LMX1B: variants seen among roughly 807,000 people sequenced by gnomAD.
LMX1B encodes LIM homeobox transcription factor 1 beta, also known as LIM homeobox transcription factor 1-beta.
A neutral mutation model predicts 51.4 loss-of-function variants in LMX1B; 12 were observed. The observed-to-expected ratio is 0.23, with a 90% confidence interval of 0.15 to 0.38. The LOEUF (loss-of-function observed/expected upper bound fraction) is 0.38, where lower values mean the gene tolerates loss of function less well. Ranked by LOEUF, LMX1B falls within the 10% of genes least tolerant of loss-of-function variation. The pLI is 1.00. For missense variants in LMX1B, 445 were observed against 571.1 expected (o/e 0.78, Z 2.25); for synonymous variants, 237 against 235.4 (o/e 1.01, Z -0.06).
At chr9:126,670,514 G>A (rs55833719) in intron 2 of LMX1B, among the ~76,000 whole-genome samples, 18,479 of 152,250 alleles carry the variant, frequency 0.12, 1,187 homozygotes, top group South Asian at 0.18. Context: ...TAAACAGCAG[G>A]GTTGGGCAGA....
chr9:126,675,498 G>A (rs532380361), intron 2 of LMX1B, among the ~76,000 whole-genome samples: 69 of 151,944 alleles, frequency 4.5e-4, no homozygotes, highest in African/African-American at 1.0e-3. Context: ...AGGCCGAGGC[G>A]GGCGGATCAC....
chr9:126,639,902 A>G (rs1341012156), intron 2 of LMX1B, among the ~76,000 whole-genome samples: 1 of 152,262 alleles, frequency 6.6e-6, no homozygotes, highest in Admixed American at 6.5e-5. Flanking sequence ...AAATGCAATT[A>G]TGGATTTTAT....
chr9:126,646,816 T>C (rs1835911809), intron 2 of LMX1B, among the ~76,000 whole-genome samples: 1 of 152,164 alleles, frequency 6.6e-6, no homozygotes, highest in African/African-American at 2.4e-5. Flanking sequence ...CACCCTCTGC[T>C]CCTTGTGCTG....
At chr9:126,659,290 G>A (rs558490872) in intron 2 of LMX1B, among the ~76,000 whole-genome samples, 87 of 152,346 alleles carry the variant, frequency 5.7e-4, no homozygotes, top group Non-Finnish European at 7.8e-4. Flanking sequence ...TGGGCAGAAC[G>A]TGTCCAGGGG....
rs199580468 is a variant in LMX1B at position 126,695,966 on chromosome 9, G to T, written c.1014G>T (p.Thr338=). 1 of 1,612,420 alleles carries T rather than the reference G, an allele frequency of 6.2e-7. No homozygotes were observed. The highest frequency in any genetic ancestry group is 8.5e-7 in the Non-Finnish European group (1 of 1,179,440). ...GSSDPFQQGL[T]PPQMPGDHMN... ...GCGACCCCTTCCAGCAGGGCCTCAC[G>T]CCGCCCCAAATGCCAGGTGACCACA... Residue 338 remains threonine (T), a synonymous_variant, in exon 7 of 8, where the codon ACG becomes ACT. Coordinates refer to ENST00000373474, the MANE Select transcript of LMX1B (RefSeq NM_001174147.2). This position sits in a 1 kb window ranked among gnomAD's most constrained non-coding sequence, Gnocchi z 5.2.
intron 2 of LMX1B, among the ~76,000 whole-genome samples, chr9:126,684,062 G>T (rs934067738): frequency 1.3e-5 from 2 of 152,220 alleles, no homozygotes; most frequent in Admixed American, 1.3e-4. Context: ...GCCTCCATGG[G>T]TGTTTGCTGG....
At chr9:126,690,427 G>C (rs547958531) in intron 2 of LMX1B, among the ~76,000 whole-genome samples, 7 of 152,332 alleles carry the variant, frequency 4.6e-5, no homozygotes, top group African/African-American at 1.4e-4. Flanking sequence ...GAATTGCTTG[G>C]ATGTGTTGGT....
At chr9:126,664,869 T>C (rs1836314028) in intron 2 of LMX1B, among the ~76,000 whole-genome samples, 2 of 152,204 alleles carry the variant, frequency 1.3e-5, no homozygotes, top group African/African-American at 4.8e-5. Context: ...AGAGACTCCG[T>C]CTGGAAAAAA....
intron 2 of LMX1B, among the ~76,000 whole-genome samples, chr9:126,670,131 C>A (rs1024359329): frequency 6.6e-6 from 1 of 152,204 alleles, no homozygotes; most frequent in Non-Finnish European, 1.5e-5. Context: ...GCCTCAATCT[C>A]CCAGAATATA....
intron 2 of LMX1B, among the ~76,000 whole-genome samples, chr9:126,635,868 T>G (rs1588271446): frequency 6.6e-6 from 1 of 152,168 alleles, no homozygotes; most frequent in South Asian, 2.1e-4. Flanking sequence ...GGCCTGAGGC[T>G]TAACTGAACA....
chr9:126,690,214 G>A (rs1481912164), intron 2 of LMX1B, among the ~76,000 whole-genome samples: 5 of 152,202 alleles, frequency 3.3e-5, no homozygotes, highest in Non-Finnish European at 5.9e-5. Flanking sequence ...GCACTAGGGA[G>A]CCATGGAAGA....
In LMX1B at chr9:126,622,439, C is replaced by T. The variant is rs569587029; in HGVS notation, c.326+6870C>T. ...GGGCTGGCAGGAATGAGGAGGCCACCGAGCTGCTGGGTAGCTGAAGATGAG... is the reference window on the plus strand; with the variant it reads ...GGGCTGGCAGGAATGAGGAGGCCACTGAGCTGCTGGGTAGCTGAAGATGAG... On this transcript the variant is annotated intron_variant, in intron 2 of 7. Transcript: ENST00000373474. 1.5e-3 allele frequency among the ~76,000 whole-genome samples: 227 copies of T among 152,268 alleles called. 1 individual carries two copies. The highest frequency in any genetic ancestry group is 1.5e-3 in the Non-Finnish European group (104 of 68,012).
At chr9:126,642,958 C>A (rs941019352) in intron 2 of LMX1B, among the ~76,000 whole-genome samples, 1 of 152,186 alleles carries the variant, frequency 6.6e-6, no homozygotes, top group South Asian at 2.1e-4. Context: ...TCTCTTCCCA[C>A]CCCCAGTCAG....
At chr9:126,663,402 C>T (rs1000395159) in intron 2 of LMX1B, among the ~76,000 whole-genome samples, 2 of 144,728 alleles carry the variant, frequency 1.4e-5, no homozygotes, top group Non-Finnish European at 3.0e-5. Flanking sequence ...CCAACCTAGG[C>T]GACAAGGCAA....
chr9:126,623,290 A>G (rs532161783), intron 2 of LMX1B, among the ~76,000 whole-genome samples: 1 of 152,288 alleles, frequency 6.6e-6, no homozygotes, highest in Non-Finnish European at 1.5e-5. Context: ...CCTCATTACT[A>G]CTGAGACACG....
In LMX1B at chr9:126,641,714, T is replaced by G. The variant is rs968367234; in HGVS notation, c.326+26145T>G. On this transcript the variant is annotated intron_variant, in intron 2 of 7. Coordinates refer to ENST00000373474, the MANE Select transcript of LMX1B (RefSeq NM_001174147.2). The surrounding 1 kb of genome is among the most constrained non-coding windows in gnomAD (Gnocchi z 4.1). ...GGAGGCTCTTTCTTCAAGGGGACTC[T>G]CTTCTCCCTCCTCCTGGGGGATTCC... Among the ~76,000 whole-genome samples the G allele has an allele frequency of 5.3e-5, 8 of 152,146 alleles. No individual in the cohort carries two copies. Among genetic ancestry groups the G allele is most frequent in the Non-Finnish European group, 1.2e-4 (8 of 68,026 alleles).
At position 126,641,885 on chromosome 9, in the gene LMX1B, A is replaced by G. The variant is rs184523642; in HGVS notation, c.326+26316A>G. On this transcript the variant is annotated intron_variant, in intron 2 of 7. Transcript: ENST00000373474. The surrounding 1 kb of genome is among the most constrained non-coding windows in gnomAD (Gnocchi z 4.1). ...CCCATCCCAGCGAGGCCCTGGGCAGAGCACTTCACCCACGTTCTCTCAGAA... is the reference window on the plus strand; with the variant it reads ...CCCATCCCAGCGAGGCCCTGGGCAGGGCACTTCACCCACGTTCTCTCAGAA... Among the ~76,000 whole-genome samples the G allele has an allele frequency of 2.3e-4, 35 of 152,304 alleles. No homozygotes were observed. In the East Asian group the frequency reaches 5.8e-3, roughly 25 times the overall value.
chr9:126,615,644 C>G lies in LMX1B; in HGVS notation c.326+75C>G, dbSNP rs1835289826. On this transcript the variant is annotated intron_variant, in intron 2 of 7. Coordinates refer to ENST00000373474, the MANE Select transcript of LMX1B (RefSeq NM_001174147.2). The surrounding 1 kb of genome is among the most constrained non-coding windows in gnomAD (Gnocchi z 6.0). ...GGTCAGCCCCCTGCCGGGCCCGGCC[C>G]GCGCCCGCTCTGCCGCCGGCTCTGT... is the stretch of plus-strand genomic sequence containing the variant. 1.0e-5 allele frequency: 14 copies of G among 1,384,814 alleles called. No individual in the cohort carries two copies. Among genetic ancestry groups the G allele is most frequent in the East Asian group, 2.7e-5 (1 of 37,616 alleles). The allele number at this position is 1,384,814 out of a possible 1,614,324, so 85.8% of individuals were successfully genotyped here.
At chr9:126,636,196 A>C (rs1035657441) in intron 2 of LMX1B, among the ~76,000 whole-genome samples, 56 of 152,144 alleles carry the variant, frequency 3.7e-4, no homozygotes, top group African/African-American at 1.3e-3. Flanking sequence ...TACTAAAGAC[A>C]CAAGGCAGAC....
Sources: gnomAD v4.1 joint callset for allele counts (sites outside exome capture counted in the v4.1 genomes callset) on GRCh38, gnomAD v4.1.1 for gene constraint, Gnocchi (gnomAD v3.1) non-coding constraint, MANE v1.5 for transcripts, NCBI Gene and HGNC (gene_info 2026-07-23, HGNC 2026-07-21) for gene names.